The following KRT2 variants were observed in gnomAD, a reference collection of about 807,000 sequenced individuals.
KRT2 encodes keratin, type II cytoskeletal 2 epidermal.
A neutral mutation model predicts 48.5 loss-of-function variants in KRT2; 37 were observed. The ratio of observed to expected loss-of-function variants is 0.76; its 90% CI spans 0.59 to 1.00. KRT2 has a LOEUF of 1.00. Ranked by LOEUF, KRT2 falls within the 50% of genes least tolerant of loss-of-function variation. The pLI is 0.00. For synonymous variants in KRT2, 324 were observed against 312.2 expected, an observed-to-expected ratio of 1.04 and a Z score of -0.40; for missense variants, 880 against 815.2, an observed-to-expected ratio of 1.08 and a Z score of -0.97.
At position 52,650,522 on chromosome 12, in the gene KRT2, A is replaced by G. The variant is rs1286149342; in HGVS notation, c.617T>C (p.Leu206Ser). The G allele has an allele frequency of 6.2e-7, 1 of 1,612,856 alleles. No homozygotes were observed. Among genetic ancestry groups the G allele is most frequent in the Non-Finnish European group, 8.5e-7 (1 of 1,179,998 alleles). Residue 206 changes from leucine to serine, a missense_variant, in exon 2 of 9, where the codon TTA (leucine) becomes TCA (serine). By Grantham distance (145) the Leu-to-Ser change is moderately radical. Transcript: ENST00000309680. ...VRFLEQQNQV[L>S]QTKWELLQQM... ...TTGTAGCAGCTCCCATTTGGTCTGTAACACCTGGTTCTGCTGCTCCAAGAA... is the reference window on the plus strand; with the variant it reads ...TTGTAGCAGCTCCCATTTGGTCTGTGACACCTGGTTCTGCTGCTCCAAGAA...
intron 4 of KRT2, 46 bp downstream of exon 4, chr12:52,648,961 T>A (rs900154827): frequency 3.9e-5 from 46 of 1,193,784 alleles, no homozygotes; most frequent in Non-Finnish European, 5.4e-5. Context: ...TTTCATTTGG[T>A]GAGAAGGGTG....
chr12:52,647,058 G>T, intron 6 of KRT2, 98 bp from the exon 7 acceptor site: 1 of 1,080,810 alleles, frequency 9.3e-7, no homozygotes, highest in Non-Finnish European at 1.4e-6. Flanking sequence ...GGCCCTGGGA[G>T]TGTTAGGTCC....
At position 52,645,288 on chromosome 12, in the gene KRT2, C is replaced by A; in HGVS notation, c.1651G>T (p.Gly551Cys). Residue 551 changes from glycine (G) to cysteine (C), a missense_variant, in exon 9 of 9, where the codon GGT (glycine) becomes TGT (cysteine). Physicochemically the swap from Gly to Cys is radical, Grantham distance 159. Coordinates refer to ENST00000309680, the MANE Select transcript of KRT2 (RefSeq NM_000423.3). ...GAGATAGAACCTCCTCCTCCACTAC[C>A]GCCTCTGGAGCCAGACTGTCGGCCT... ...SGGRQSGSRG[G>C]SGGGGSISGG... 2.5e-6 allele frequency: 4 copies of A among 1,614,202 alleles called. No individual in the cohort carries two copies. The highest frequency in any genetic ancestry group is 2.2e-5 in the South Asian group (2 of 91,074).
In KRT2 at chr12:52,648,206, G is replaced by T. The variant is rs761345251; in HGVS notation, c.1089C>A (p.Ser363Arg). ...KAQYEEIAQR[S>R]KEEAEALYHS... ...GGTACAGGGCCTCCGCTTCTTCCTT[G>T]CTCCTCTGGGCGATCTCCTCATACT... is the stretch of plus-strand genomic sequence containing the variant. Residue 363 changes from serine (S) to arginine (R), a missense_variant, in exon 5 of 9, where the codon AGC becomes AGA. Physicochemically the swap from Ser to Arg is moderately radical, Grantham distance 110. Coordinates refer to ENST00000309680, the MANE Select transcript of KRT2 (RefSeq NM_000423.3). 2 of 1,614,012 alleles carry T rather than the reference G, an allele frequency of 1.2e-6. No homozygotes were observed. Among genetic ancestry groups the T allele is most frequent in the Admixed American group, 1.7e-5 (1 of 60,000 alleles).
Position 52,648,354 on chromosome 12 carries a change from G to GGTCT in KRT2, c.958-21_958-18dup. 1.2e-6 allele frequency: 2 copies of GGTCT among 1,612,734 alleles called. No individual in the cohort carries two copies. Among genetic ancestry groups the GGTCT allele is most frequent in the Non-Finnish European group, 1.7e-6 (2 of 1,178,814 alleles). On this transcript the variant is annotated splice_polypyrimidine_tract_variant and intron_variant, in intron 4 of 8. Coordinates refer to ENST00000309680, the MANE Select transcript of KRT2 (RefSeq NM_000423.3). ...GGATATCTCCTACAACACACAGGAA[G>GGTCT]GTCTGGTCATGACATCCTGCCATAG...
chr12:52,645,185 G>A lies in KRT2; in HGVS notation c.1754C>T (p.Ser585Phe). ...ACCTCCAGAGCCATATCCTCCTCCAGAGATGGACCCTCCCTTAGAGCCACC... is the reference window on the plus strand; with the variant it reads ...ACCTCCAGAGCCATATCCTCCTCCAAAGATGGACCCTCCCTTAGAGCCACC... ...SGGGSKGGSI[S>F]GGGYGSGGGK... Residue 585 changes from serine (S) to phenylalanine (F), a missense_variant, in exon 9 of 9, where the codon TCT becomes TTT. Transcript: ENST00000309680. The A allele has an allele frequency of 6.2e-7, 1 of 1,613,656 alleles. No individual in the cohort carries two copies. The highest frequency in any genetic ancestry group is 8.5e-7 in the Non-Finnish European group (1 of 1,179,932).
intron 7 of KRT2, 21 bp downstream of exon 7, chr12:52,646,719 C>T: frequency 6.2e-7 from 1 of 1,612,944 alleles, no homozygotes; most frequent in East Asian, 2.2e-5. Flanking sequence ...GGGTCCCCTT[C>T]TCCCTTCCCA....
intron 5 of KRT2, 102 bp downstream of exon 5, chr12:52,648,071 A>G: frequency 7.1e-7 from 1 of 1,410,672 alleles, no homozygotes; most frequent in South Asian, 1.2e-5. Context: ...CCCAACTACC[A>G]TTAAACAAAA....
chr12:52,650,700 G>A, intron 1 of KRT2, 147 bp from the exon 2 acceptor site: 1 of 722,954 alleles, frequency 1.4e-6, no homozygotes, highest in East Asian at 2.7e-5. Flanking sequence ...CAGAGCTTCT[G>A]AGCTCCCTGC....
At position 52,646,959 on chromosome 12, in the gene KRT2, C is replaced by T; in HGVS notation, c.1250G>A (p.Cys417Tyr). ...TGCGATGGCATCTTGCACATTCTTACACTATGACAGAAGGACAGAGAATGG... is the reference window on the plus strand; with the variant it reads ...TGCGATGGCATCTTGCACATTCTTATACTATGACAGAAGGACAGAGAATGG... The part of the protein sequence containing the change: ...QGEIAHVKKQ[C>Y]KNVQDAIADA... Residue 417 changes from cysteine (C) to tyrosine (Y), a missense_variant and splice_region_variant, in exon 7 of 9, where the codon TGT becomes TAT. Coordinates refer to ENST00000309680, the MANE Select transcript of KRT2 (RefSeq NM_000423.3). 4.3e-6 allele frequency: 7 copies of T among 1,613,662 alleles called. No homozygotes were observed. The highest frequency in any genetic ancestry group is 1.6e-4 in the Middle Eastern group (1 of 6,062).
chr12:52,644,805 C>T lies in KRT2; in HGVS notation c.*214G>A. The T allele has an allele frequency of 1.6e-6, 1 of 612,336 alleles. No individual in the cohort carries two copies. Among genetic ancestry groups the T allele is most frequent in the Non-Finnish European group, 2.9e-6 (1 of 350,538 alleles). The allele number at this position is 612,336 out of a possible 1,614,324, so 37.9% of individuals were successfully genotyped here. On this transcript the variant is annotated 3_prime_UTR_variant, in exon 9 of 9. Coordinates refer to ENST00000309680, the MANE Select transcript of KRT2 (RefSeq NM_000423.3). ...ACAAACCTAGACAGCACAGATTCCG[C>T]CCCAGAACACAGAGGCGTCACTGGC...
chr12:52,645,223 T>C lies in KRT2; in HGVS notation c.1716A>G (p.Arg572=), dbSNP rs1161357482. The C allele has an allele frequency of 6.2e-7, 1 of 1,613,338 alleles. No homozygotes were observed. Among genetic ancestry groups the C allele is most frequent in the Non-Finnish European group, 8.5e-7 (1 of 1,179,844 alleles). The change falls in exon 9 of 9, where the codon AGA becomes AGG. Residue 572 remains arginine, a synonymous_variant. Coordinates refer to ENST00000309680, the MANE Select transcript of KRT2 (RefSeq NM_000423.3). ...CCTTAGAGCCACCACCAGATCCGTA[T>C]CTTCCTCCAGAACCACCGCCAGAGC... ...GYGSGGGSGG[R]YGSGGGSKGG... is the part of the protein sequence containing the mutation.
rs2232562 is a variant in KRT2, at chr12:52,645,289, G to A, written c.1650C>T (p.Gly550=). Residue 550 remains glycine (G), a synonymous_variant, in exon 9 of 9, where the codon GGC becomes GGT. Coordinates refer to ENST00000309680, the MANE Select transcript of KRT2 (RefSeq NM_000423.3). ...AGATAGAACCTCCTCCTCCACTACCGCCTCTGGAGCCAGACTGTCGGCCTC... is the reference window on the plus strand; with the variant it reads ...AGATAGAACCTCCTCCTCCACTACCACCTCTGGAGCCAGACTGTCGGCCTC... The part of the protein sequence containing the change: ...GSGGRQSGSR[G]GSGGGGSISG... 4.5e-3 allele frequency: 7,251 copies of A among 1,613,806 alleles called. 256 individuals carry two copies. In the African/African-American group the frequency reaches 0.077, roughly 17 times the overall value.
intron 4 of KRT2, among the ~76,000 whole-genome samples, 186 bp downstream of exon 4, chr12:52,648,821 G>A (rs556746739): frequency 1.5e-4 from 23 of 152,164 alleles, no homozygotes; most frequent in East Asian, 7.7e-4. Context: ...CCATAACATC[G>A]GAGGAGAAAA....
intron 1 of KRT2, 85 bp downstream of exon 1, chr12:52,651,473 T>C (rs1941246170): frequency 1.3e-5 from 14 of 1,099,572 alleles, no homozygotes; most frequent in South Asian, 7.5e-5. Flanking sequence ...TCCTAAGAAA[T>C]ACAAATCTGT....
At position 52,644,870 on chromosome 12, in the gene KRT2, G is replaced by C. The variant is rs1941137314; in HGVS notation, c.*149C>G. 2.4e-5 allele frequency: 19 copies of C among 797,808 alleles called. No individual in the cohort carries two copies. The South Asian group carries it at 3.2e-4, about 14-fold the overall frequency. The allele number at this position is 797,808 out of a possible 1,614,324, so 49.4% of individuals were successfully genotyped here. ...TTGGAGAGAAGATCTTTCAAAAACTGTATGTGGACATTCTTTTCCCTCAAA... is the reference window on the plus strand; with the variant it reads ...TTGGAGAGAAGATCTTTCAAAAACTCTATGTGGACATTCTTTTCCCTCAAA... On this transcript the variant is annotated 3_prime_UTR_variant, in exon 9 of 9. Coordinates refer to ENST00000309680, the MANE Select transcript of KRT2 (RefSeq NM_000423.3).
chr12:52,647,862 TG>T lies in KRT2; in HGVS notation c.1123-8del. 6.2e-7 allele frequency: 1 copy of T among 1,614,054 alleles called. No individual in the cohort carries two copies. Among genetic ancestry groups the T allele is most frequent in the East Asian group, 2.2e-5 (1 of 44,846 alleles). On this transcript the variant is annotated splice_region_variant and splice_polypyrimidine_tract_variant and intron_variant, in intron 5 of 8. Coordinates refer to ENST00000309680, the MANE Select transcript of KRT2 (RefSeq NM_000423.3). The stretch of plus-strand genomic sequence containing the variant: ...TCACCTGGAGCTCCTCATACTGATA[TG>T]GGGAGAAGAGGACAGTTTGCAAGGA...
rs1300737390 is a variant in KRT2 at position 52,651,858 on chromosome 12, AC to A, written c.284del (p.Gly95ValfsTer41). 9 of 1,155,044 alleles carry A rather than the reference AC, an allele frequency of 7.8e-6. No homozygotes were observed. The highest frequency in any genetic ancestry group is 1.1e-5 in the Non-Finnish European group (9 of 832,608). 71.5% of individuals were successfully genotyped at this position (1,155,044 alleles called of 1,614,324 possible). ...AAGGFGGRGGGFGGGSSFGGG... is the reference protein window; with the variant it reads ...AAGGFGGRGGXFGGGSSFGGG... ...CTCCAAAGCTGCTGCCGCCTCCAAA[AC>A]CACCTCCTCTGCCACCAAATCCACC... On this transcript the variant is annotated frameshift_variant, in exon 1 of 9. Coordinates refer to ENST00000309680, the MANE Select transcript of KRT2 (RefSeq NM_000423.3). LOFTEE classifies it high-confidence loss of function.
chr12:52,645,119 C>CCA lies in KRT2; in HGVS notation c.1819_1820insTG (p.Ser607MetfsTer17), dbSNP rs1941142633. 6.2e-7 allele frequency: 1 copy of CCA among 1,613,302 alleles called. No homozygotes were observed. Among genetic ancestry groups the CCA allele is most frequent in the Non-Finnish European group, 8.5e-7 (1 of 1,179,844 alleles). On this transcript the variant is annotated frameshift_variant, in exon 9 of 9. Coordinates refer to ENST00000309680, the MANE Select transcript of KRT2 (RefSeq NM_000423.3). LOFTEE classifies it low-confidence loss of function (END_TRUNC). ...TCCAGAGCCATATCCTCCTCCAGAG[C>CCA]TGGAGCCTCCTCTAGAGCCACCTCC...
Sources: allele counts gnomAD v4.1 joint callset (sites outside exome capture counted in the v4.1 genomes callset), GRCh38; gene constraint gnomAD v4.1.1; transcripts MANE v1.5; gene names NCBI Gene and HGNC (gene_info 2026-07-23, HGNC 2026-07-21).